The following KANK1 variants were observed in gnomAD, a reference collection of about 807,000 sequenced individuals.
KANK1 encodes the protein KN motif and ankyrin repeat domain-containing protein 1.
In KANK1, 109 loss-of-function variants were observed where a neutral mutation model predicts 106.2. That is an observed-to-expected ratio of 1.03 (90% CI 0.88 to 1.20). KANK1 has a LOEUF of 1.20. Ranked by LOEUF, KANK1 falls within the 50% of genes most tolerant of loss-of-function variation. The pLI is 0.00. For missense variants in KANK1, 2,399 were observed against 1,710.7 expected (o/e 1.40, Z -7.10); for synonymous variants, 873 against 652.2 (o/e 1.34, Z -5.16).
At chr9:646,129 G>T (rs1746727810) in intron 1 of KANK1, among the ~76,000 whole-genome samples, 1 of 150,622 alleles carries the variant, frequency 6.6e-6, no homozygotes, top group African/African-American at 2.5e-5. Context: ...TATTTTGACA[G>T]CCATACAGAT....
chr9:623,032 G>A (rs1376699511), intron 1 of KANK1, among the ~76,000 whole-genome samples: 1 of 152,094 alleles, frequency 6.6e-6, no homozygotes, highest in Admixed American at 6.6e-5. Flanking sequence ...CAAAGCACAG[G>A]CAACAAAAGC....
At chr9:683,655 CT>C (rs1165261755) in intron 2 of KANK1, among the ~76,000 whole-genome samples, 3 of 152,180 alleles carry the variant, frequency 2.0e-5, no homozygotes, top group Non-Finnish European at 4.4e-5. Context: ...GCATAAAACC[CT>C]AAAGTACAGT....
intron 3 of KANK1, among the ~76,000 whole-genome samples, chr9:723,977 T>A (rs1830029763): frequency 6.7e-6 from 1 of 148,816 alleles, no homozygotes. Flanking sequence ...GTTTTGTACG[T>A]CTGTGGTCCC....
intron 1 of KANK1, among the ~76,000 whole-genome samples, chr9:650,112 C>A (rs1211440971): frequency 6.6e-6 from 1 of 152,134 alleles, no homozygotes; most frequent in Non-Finnish European, 1.5e-5. Context: ...GGAGGGATTA[C>A]TTTACTGTTT....
At chr9:655,226 T>C (rs7863333) in intron 1 of KANK1, among the ~76,000 whole-genome samples, 135,704 of 151,994 alleles carry the variant, frequency 0.89, 60,707 homozygotes, top group East Asian at 0.97. Context: ...AAGAAATTAG[T>C]CGGGCATGAT....
chr9:619,390 G>A (rs1038776809), intron 1 of KANK1, among the ~76,000 whole-genome samples: 16 of 152,296 alleles, frequency 1.1e-4, no homozygotes, highest in African/African-American at 3.4e-4. Flanking sequence ...TGATGTGAGA[G>A]CACCTTCTTT....
At chr9:583,025 T>C (rs10491599) in intron 1 of KANK1, among the ~76,000 whole-genome samples, 13 of 152,234 alleles carry the variant, frequency 8.5e-5, no homozygotes, top group African/African-American at 1.2e-4. Context: ...AGTAAAGATA[T>C]GTCATAGAGG....
intron 2 of KANK1, 106 bp downstream of exon 2, chr9:677,115 T>A (rs1414355869): frequency 9.5e-7 from 1 of 1,049,210 alleles, no homozygotes; most frequent in Non-Finnish European, 1.4e-6. Flanking sequence ...CCTAGATAAC[T>A]AGGATTTCAA....
intron 3 of KANK1, among the ~76,000 whole-genome samples, chr9:489,584 G>T (rs1365921005): frequency 6.6e-6 from 1 of 152,160 alleles, no homozygotes; most frequent in African/African-American, 2.4e-5. Context: ...GATAGTCTTG[G>T]TTTGAGTCTC....
At chr9:663,610 G>T (rs1294795873) in intron 1 of KANK1, among the ~76,000 whole-genome samples, 6 of 152,160 alleles carry the variant, frequency 3.9e-5, no homozygotes, top group African/African-American at 1.4e-4. Context: ...CAGAACAGCT[G>T]ATTTTCCGCC....
intron 1 of KANK1, among the ~76,000 whole-genome samples, chr9:637,383 G>C (rs571140952): frequency 6.6e-6 from 1 of 152,216 alleles, no homozygotes; most frequent in East Asian, 1.9e-4. Context: ...CATTTTGTAT[G>C]GTTCAACATT....
chr9:535,469 G>GT (rs1358179961), intron 1 of KANK1, among the ~76,000 whole-genome samples: 1 of 152,218 alleles, frequency 6.6e-6, no homozygotes, highest in African/African-American at 2.4e-5. Flanking sequence ...GCACTGTACT[G>GT]TGAGTTTTCA....
rs74343447 is a variant in KANK1, at chr9:730,460, G to A, written c.2896+212G>A. 162,757 of 545,528 alleles carry A rather than the reference G, an allele frequency of 0.3. 28,510 individuals carry two copies. The highest frequency in any genetic ancestry group is 0.66 in the East Asian group (20,034 of 30,262). The allele number at this position is 545,528 out of a possible 1,614,324, so 33.8% of individuals were successfully genotyped here. A position where few individuals can be genotyped will look rare whatever the true frequency, so the allele number is the denominator to read the frequency against. On this transcript the variant is annotated intron_variant, in intron 4 of 11. Transcript: ENST00000382297. ...TGATCCCAGCACTTTGGGAGGCCAA[G>A]GCAGGCAGATCATTTGAGGCCAGGA...
At position 713,608 on chromosome 9, in the gene KANK1, A is replaced by C. The variant is rs966025817; in HGVS notation, c.2698+144A>C. 13 of 894,464 alleles carry C rather than the reference A, an allele frequency of 1.5e-5. No homozygotes were observed. In the Admixed American group the frequency reaches 4.4e-4, roughly 31 times the overall value. 55.4% of individuals were successfully genotyped at this position (894,464 alleles called of 1,614,324 possible). On this transcript the variant is annotated intron_variant, in intron 3 of 11. Coordinates refer to ENST00000382297, the MANE Select transcript of KANK1 (RefSeq NM_015158.5). ...TAGAGTGGTAATCTGTAGAATGAAA[A>C]CTAAGAATCAAAATCCATAAGCACC...
intron 1 of KANK1, among the ~76,000 whole-genome samples, chr9:531,539 A>C (rs1405559940): frequency 6.6e-6 from 1 of 152,250 alleles, no homozygotes; most frequent in Non-Finnish European, 1.5e-5. Context: ...CAACAATTGC[A>C]AAGCAAAACT....
At chr9:571,567 A>T (rs1208867212) in intron 1 of KANK1, among the ~76,000 whole-genome samples, 3 of 144,850 alleles carry the variant, frequency 2.1e-5, no homozygotes, top group African/African-American at 7.4e-5. Context: ...TTCTAAATAA[A>T]AAAAAAAAAA....
chr9:703,080 C>T (rs1315515592), intron 2 of KANK1, among the ~76,000 whole-genome samples: 2 of 152,088 alleles, frequency 1.3e-5, no homozygotes, highest in African/African-American at 4.8e-5. Flanking sequence ...TAGCCTCCGC[C>T]TCCCAGGTTC....
chr9:522,401 C>T (rs1366552188), intron 1 of KANK1, among the ~76,000 whole-genome samples: 2 of 151,614 alleles, frequency 1.3e-5, no homozygotes, highest in Non-Finnish European at 2.9e-5. Context: ...CTGGATAGCA[C>T]TCCTAACGCT....
chr9:573,713 A>G (rs1377830223), intron 1 of KANK1, among the ~76,000 whole-genome samples: 3 of 152,016 alleles, frequency 2.0e-5, no homozygotes, highest in Non-Finnish European at 2.9e-5. Flanking sequence ...TTCTAGCTCA[A>G]CACTCCCACC....
Sources: allele counts gnomAD v4.1 joint callset (sites outside exome capture counted in the v4.1 genomes callset), GRCh38; gene constraint gnomAD v4.1.1; transcripts MANE v1.5; gene names NCBI Gene and HGNC (gene_info 2026-07-23, HGNC 2026-07-21).